The following COL19A1 variants were observed in gnomAD, a reference collection of about 807,000 sequenced individuals.
The protein encoded by COL19A1 is collagen alpha-1(XIX) chain.
Under a neutral mutation model 190.2 loss-of-function variants are expected in COL19A1, and 159 were observed. The ratio of observed to expected loss-of-function variants is 0.84; its 90% CI spans 0.73 to 0.95. The LOEUF is 0.95. Among genes scored for constraint, COL19A1 ranks in the 40% least tolerant of loss-of-function variants. The pLI, the probability that COL19A1 is intolerant of heterozygous loss-of-function variation, is 0.00. For synonymous variants in COL19A1, 509 were observed against 458.9 expected, an observed-to-expected ratio of 1.11 and a Z score of -1.39; for missense variants, 1,418 against 1,431.9, an observed-to-expected ratio of 0.99 and a Z score of 0.16.
rs553434688 is a variant in COL19A1 at position 70,056,490 on chromosome 6, T to G, written c.1171-11933T>G. Reference sequence around the variant, plus strand: ...ACATTTTCTACATTTCCTTTCTGGTTGAGTAGAACTACACTTACCTCTCCT... The same window carrying G: ...ACATTTTCTACATTTCCTTTCTGGTGGAGTAGAACTACACTTACCTCTCCT... On this transcript the variant is annotated intron_variant, in intron 14 of 50. Transcript: ENST00000620364. Among the ~76,000 whole-genome samples the G allele has an allele frequency of 5.9e-5, 9 of 152,270 alleles. No individual in the cohort carries two copies. In the South Asian group the frequency reaches 1.2e-3, roughly 21 times the overall value.
At chr6:69,890,873 T>TA (rs1163415617) in intron 2 of COL19A1, 1 of 156,090 alleles carries the variant, frequency 6.4e-6, no homozygotes, top group Non-Finnish European at 1.4e-5. Context: ...TTCCTCCCTC[T>TA]AAAAAAGTAC....
At chr6:69,879,263 A>T (rs140189454) in intron 1 of COL19A1, among the ~76,000 whole-genome samples, 1 of 152,178 alleles carries the variant, frequency 6.6e-6, no homozygotes, top group Non-Finnish European at 1.5e-5. Flanking sequence ...GTAGTTGCTT[A>T]AAAAAATTTA....
intron 14 of COL19A1, among the ~76,000 whole-genome samples, chr6:70,043,071 C>G (rs1255845410): frequency 6.6e-6 from 1 of 152,140 alleles, no homozygotes; most frequent in Non-Finnish European, 1.5e-5. Flanking sequence ...TTTTGACCTC[C>G]TCTGTGAATC....
chr6:69,925,941 C>G (rs969516541), intron 4 of COL19A1, among the ~76,000 whole-genome samples: 1 of 152,122 alleles, frequency 6.6e-6, no homozygotes, highest in Non-Finnish European at 1.5e-5. Context: ...GATTTTGTAT[C>G]CTGAGACTTT....
chr6:70,052,052 T>C (rs1361424989), intron 14 of COL19A1, among the ~76,000 whole-genome samples: 1 of 151,972 alleles, frequency 6.6e-6, no homozygotes, highest in Non-Finnish European at 1.5e-5. Flanking sequence ...GCCTTTCTGC[T>C]TGATTTGAGG....
intron 31 of COL19A1, among the ~76,000 whole-genome samples, chr6:70,154,517 C>T (rs1349972718): frequency 2.0e-5 from 3 of 152,074 alleles, no homozygotes; most frequent in East Asian, 1.9e-4. Flanking sequence ...GATGATTTGC[C>T]TCATGTATTC....
At position 70,142,198 on chromosome 6, in the gene COL19A1, C is replaced by G. The variant is rs980208212; in HGVS notation, c.1572+122C>G. 4 of 866,032 alleles carry G rather than the reference C, an allele frequency of 4.6e-6. No individual in the cohort carries two copies. The East Asian group carries it at 1.1e-4, about 23-fold the overall frequency. The allele number at this position is 866,032 out of a possible 1,614,324, so 53.6% of individuals were successfully genotyped here. On this transcript the variant is annotated intron_variant, in intron 22 of 50. Transcript: ENST00000620364. ...CACAAATGCTCTCCAAGACTTTATCCTGTTTCCATGGTGATTTTCCCCACT... is the reference window on the plus strand; with the variant it reads ...CACAAATGCTCTCCAAGACTTTATCGTGTTTCCATGGTGATTTTCCCCACT...
chr6:70,066,320 A>G (rs1268368217), intron 14 of COL19A1, among the ~76,000 whole-genome samples: 2 of 152,154 alleles, frequency 1.3e-5, no homozygotes, highest in Non-Finnish European at 2.9e-5. Context: ...GAAGCTGGAA[A>G]CCATCATTCT....
In COL19A1 at chr6:70,120,815, T is replaced by C. The variant is rs578251738; in HGVS notation, c.1279-1065T>C. On this transcript the variant is annotated intron_variant, in intron 16 of 50. Transcript: ENST00000620364. ...GAAGAGATCTTCAGTCACAAGCTGC[T>C]CATAAGAAACACCTGGTGTAAATGT... 1.4e-4 allele frequency among the ~76,000 whole-genome samples: 22 copies of C among 152,338 alleles called. No homozygotes were observed. The South Asian group carries it at 3.7e-3, about 26-fold the overall frequency.
chr6:69,915,694 G>T (rs1393690952), intron 4 of COL19A1, among the ~76,000 whole-genome samples: 1 of 152,154 alleles, frequency 6.6e-6, no homozygotes, highest in African/African-American at 2.4e-5. Context: ...ATTTGAGATA[G>T]TCACATGATC....
chr6:70,016,767 G>A lies in COL19A1; in HGVS notation c.1027-6860G>A, dbSNP rs551368584. Among the ~76,000 whole-genome samples the A allele has an allele frequency of 4.5e-4, 69 of 152,076 alleles. 1 individual carries two copies. In the South Asian group the frequency reaches 0.011, roughly 24 times the overall value. ...AAGATATGTGAATGTCTAACAAGCA[G>A]AGGAAATGATCATTAATCATTAAGA... is the stretch of plus-strand genomic sequence containing the variant. On this transcript the variant is annotated intron_variant, in intron 11 of 50. Transcript: ENST00000620364.
intron 4 of COL19A1, among the ~76,000 whole-genome samples, chr6:69,921,377 C>CT (rs1271468351): frequency 1.9e-4 from 18 of 94,552 alleles, no homozygotes; most frequent in Admixed American, 7.5e-4. Flanking sequence ...TCATATATAT[C>CT]ATATATATCA....
chr6:69,932,412 C>T (rs564187376), intron 6 of COL19A1, among the ~76,000 whole-genome samples: 10 of 147,202 alleles, frequency 6.8e-5, no homozygotes, highest in Admixed American at 4.7e-4. Context: ...TTTGATTTTA[C>T]CTTTTCTCCA....
chr6:70,123,857 T>C (rs1785035827), intron 17 of COL19A1, among the ~76,000 whole-genome samples: 1 of 150,214 alleles, frequency 6.7e-6, no homozygotes, highest in South Asian at 2.1e-4. Flanking sequence ...ATACACCTAA[T>C]GCTAGATGAC....
intron 40 of COL19A1, among the ~76,000 whole-genome samples, chr6:70,170,400 A>G (rs985773858): frequency 2.6e-5 from 4 of 152,196 alleles, no homozygotes; most frequent in Non-Finnish European, 5.9e-5. Context: ...TTCAAATCCC[A>G]TGACAATAGA....
intron 41 of COL19A1, among the ~76,000 whole-genome samples, chr6:70,174,414 G>C (rs1311818112): frequency 6.6e-6 from 1 of 152,132 alleles, no homozygotes; most frequent in Admixed American, 6.5e-5. Context: ...CCAAAAATTA[G>C]CCAAGCGTGG....
At position 70,184,728 on chromosome 6, in the gene COL19A1, C is replaced by A; in HGVS notation, c.2801C>A (p.Pro934Gln). 6.3e-7 allele frequency: 1 copy of A among 1,593,252 alleles called. No homozygotes were observed. The highest frequency in any genetic ancestry group is 1.1e-5 in the South Asian group (1 of 88,236). ...KPGINGKDGI[P>Q]GAQGIMGKPG... ...GGAATAAATGGAAAAGATGGAATAC[C>A]AGGTGCTCAGGTATGGGAAATATGA... Residue 934 changes from proline (P) to glutamine (Q), a missense_variant, in exon 45 of 51, where the codon CCA becomes CAA. Physicochemically the swap from Pro to Gln is moderately conservative, Grantham distance 76. Coordinates refer to ENST00000620364, the MANE Select transcript of COL19A1 (RefSeq NM_001858.6).
In COL19A1 at chr6:69,943,786, T is replaced by C. The variant is rs764435561; in HGVS notation, c.936+5686T>C. On this transcript the variant is annotated intron_variant, in intron 9 of 50. Transcript: ENST00000620364. Reference sequence around the variant, plus strand: ...CTGTTGATGACAATCTAAGGTGTTATGCTTTGAGCATCCTTACTTTAATGC... The same window carrying C: ...CTGTTGATGACAATCTAAGGTGTTACGCTTTGAGCATCCTTACTTTAATGC... Among the ~76,000 whole-genome samples, 3 of 152,208 alleles carry C rather than the reference T, an allele frequency of 2.0e-5. No homozygotes were observed. The South Asian group carries it at 6.2e-4, about 31-fold the overall frequency.
At chr6:69,903,210 G>C (rs1770302709) in intron 4 of COL19A1, among the ~76,000 whole-genome samples, 1 of 152,164 alleles carries the variant, frequency 6.6e-6, no homozygotes, top group South Asian at 2.1e-4. Flanking sequence ...ACCATATGTT[G>C]TCAGTGTTAG....
Sources: gnomAD v4.1 joint callset for allele counts (sites outside exome capture counted in the v4.1 genomes callset) on GRCh38, gnomAD v4.1.1 for gene constraint, MANE v1.5 for transcripts, NCBI Gene and HGNC (gene_info 2026-07-23, HGNC 2026-07-21) for gene names.